Variants in PALD1 observed in about 807,000 individuals in gnomAD.
PALD1 encodes the protein phosphatase domain containing paladin 1.
Under a neutral mutation model 96.0 loss-of-function variants are expected in PALD1, and 57 were observed. The observed-to-expected ratio is 0.59, with a 90% confidence interval of 0.48 to 0.74. PALD1 has a LOEUF of 0.74. Among genes scored for constraint, PALD1 ranks in the 30% least tolerant of loss-of-function variants. The probability of loss-of-function intolerance (pLI) is 0.00; values close to 1 mark genes in which losing one functional copy is unlikely to be tolerated. For missense variants in PALD1, 1,063 were observed against 1,143.7 expected (o/e 0.93, Z 1.02); for synonymous variants, 464 against 473.6 (o/e 0.98, Z 0.26).
At chr10:70,559,461 C>T (rs745923886) in intron 18 of PALD1, among the ~76,000 whole-genome samples, 4 of 152,044 alleles carry the variant, frequency 2.6e-5, no homozygotes, top group Admixed American at 2.6e-4. Context: ...TTTGGGCAGA[C>T]GCTTACTGTT....
Position 70,512,998 on chromosome 10 carries a change from C to T in PALD1, c.-29-12925C>T, listed in dbSNP as rs111254916. 5.7e-3 allele frequency among the ~76,000 whole-genome samples: 863 copies of T among 152,344 alleles called. 5 individuals are homozygous for T. Among genetic ancestry groups the T allele is most frequent in the Non-Finnish European group, 9.4e-3 (637 of 68,040 alleles). On this transcript the variant is annotated intron_variant, in intron 1 of 19. Coordinates refer to ENST00000263563, the MANE Select transcript of PALD1 (RefSeq NM_014431.3). ...AAAACTATGATGATCATACAGATTGCTCCTGAGACCGACCCCTTTTTGCCT... is the reference window on the plus strand; with the variant it reads ...AAAACTATGATGATCATACAGATTGTTCCTGAGACCGACCCCTTTTTGCCT...
intron 1 of PALD1, among the ~76,000 whole-genome samples, chr10:70,491,214 G>A (rs1846092643): frequency 6.6e-6 from 1 of 152,178 alleles, no homozygotes; most frequent in African/African-American, 2.4e-5. Context: ...CAAAGTGCTG[G>A]GATTACAGGC....
chr10:70,531,546 C>A, intron 5 of PALD1, 92 bp downstream of exon 5: 1 of 1,272,718 alleles, frequency 7.9e-7, no homozygotes, highest in Non-Finnish European at 1.1e-6. Flanking sequence ...TCTTACTGGC[C>A]CGTGTTCCCC....
At chr10:70,558,471 G>T (rs1049416576) in intron 18 of PALD1, among the ~76,000 whole-genome samples, 1 of 152,110 alleles carries the variant, frequency 6.6e-6, no homozygotes, top group African/African-American at 2.4e-5. Flanking sequence ...AGTGCACTGC[G>T]CTAGGTGCTG....
In PALD1 at chr10:70,547,416, G is replaced by C. The variant is rs200162536; in HGVS notation, c.2232G>C (p.Leu744=). ...CCATGACGCCCATGCACTACCACCT[G>C]CGGGAGATCATCATCTGCACCTACC... is the stretch of plus-strand genomic sequence containing the variant. ...SETMTPMHYH[L]REIIICTYRQ... The change falls in exon 18 of 20, where the codon CTG becomes CTC. Residue 744 remains leucine (L), a synonymous_variant. Transcript: ENST00000263563. 1.9e-4 allele frequency: 300 copies of C among 1,612,386 alleles called. 2 individuals are homozygous for C. The East Asian group carries it at 6.2e-3, about 33-fold the overall frequency.
chr10:70,531,701 A>G (rs34908395), intron 5 of PALD1, among the ~76,000 whole-genome samples: 14,496 of 151,692 alleles, frequency 0.096, 875 homozygotes, highest in South Asian at 0.17. Flanking sequence ...CCTTATTTAG[A>G]AAGGGGTCTG....
chr10:70,522,337 A>G (rs760997324), intron 1 of PALD1, among the ~76,000 whole-genome samples: 43 of 152,222 alleles, frequency 2.8e-4, no homozygotes, highest in Non-Finnish European at 7.3e-5. Flanking sequence ...GTTCACCTGA[A>G]TCATGAGGAC....
At chr10:70,465,284 C>T in the PALD1 span, among the ~76,000 whole-genome samples, 1 of 152,154 alleles carries the variant, frequency 6.6e-6, no homozygotes, top group Non-Finnish European at 1.5e-5. Flanking sequence ...TCTACATACA[C>T]TTTTAAGTAG....
intron 18 of PALD1, among the ~76,000 whole-genome samples, chr10:70,548,228 C>G (rs1406264326): frequency 6.6e-6 from 1 of 152,092 alleles, no homozygotes; most frequent in African/African-American, 2.4e-5. Context: ...TTGCTTGAAC[C>G]CGGGAGGCGG....
At chr10:70,549,276 A>G (rs1847431284) in intron 18 of PALD1, among the ~76,000 whole-genome samples, 2 of 152,282 alleles carry the variant, frequency 1.3e-5, no homozygotes, top group South Asian at 2.1e-4. Flanking sequence ...GGATGCTGAG[A>G]GGGCTGAGAA....
At chr10:70,473,430 G>T in the PALD1 span, among the ~76,000 whole-genome samples, 2 of 152,162 alleles carry the variant, frequency 1.3e-5, no homozygotes, top group East Asian at 1.9e-4. Context: ...TCAGACAGGG[G>T]CCAGCTGTCT....
Position 70,539,033 on chromosome 10 carries a change from C to T in PALD1, c.1569+25C>T. 2.5e-6 allele frequency: 4 copies of T among 1,613,250 alleles called. No individual in the cohort carries two copies. Among genetic ancestry groups the T allele is most frequent in the East Asian group, 2.2e-5 (1 of 44,874 alleles). On this transcript the variant is annotated intron_variant, in intron 13 of 19. Coordinates refer to ENST00000263563, the MANE Select transcript of PALD1 (RefSeq NM_014431.3). The surrounding 1 kb of genome is among the most constrained non-coding windows in gnomAD (Gnocchi z 4.5). ...GGTGACCGGCCCTCAGGGCCTGGGT[C>T]CCCCAGTGGGTTTGGGGAGGGAGGG...
At chr10:70,543,736 G>A (rs1473468814) in intron 17 of PALD1, among the ~76,000 whole-genome samples, 3 of 152,192 alleles carry the variant, frequency 2.0e-5, no homozygotes, top group Non-Finnish European at 2.9e-5. Context: ...TCTTTGCATC[G>A]GTGCCTTGAA....
In PALD1 at chr10:70,533,473, C is replaced by T. The variant is rs187905551; in HGVS notation, c.870+403C>T. ...ACTGACCGCTGGCCCAGCTGCTGGCCGTGGCTGGGCTGCCAACTTGCTGTG... is the reference window on the plus strand; with the variant it reads ...ACTGACCGCTGGCCCAGCTGCTGGCTGTGGCTGGGCTGCCAACTTGCTGTG... On this transcript the variant is annotated intron_variant, in intron 7 of 19. Coordinates refer to ENST00000263563, the MANE Select transcript of PALD1 (RefSeq NM_014431.3). Among the ~76,000 whole-genome samples, 6 of 152,188 alleles carry T rather than the reference C, an allele frequency of 3.9e-5. No homozygotes were observed. In the East Asian group the frequency reaches 7.7e-4, roughly 20 times the overall value.
At chr10:70,502,005 C>T (rs1248977977) in intron 1 of PALD1, among the ~76,000 whole-genome samples, 2 of 151,962 alleles carry the variant, frequency 1.3e-5, no homozygotes, top group African/African-American at 4.8e-5. Flanking sequence ...CGAAGTTTGA[C>T]ATCCATAAAA....
chr10:70,562,464 A>C (rs773595695), intron 18 of PALD1, among the ~76,000 whole-genome samples: 8 of 152,176 alleles, frequency 5.3e-5, no homozygotes, highest in Non-Finnish European at 8.8e-5. Flanking sequence ...CTGAGGCCGC[A>C]GAGCCCACCC....
intron 18 of PALD1, among the ~76,000 whole-genome samples, chr10:70,556,201 C>G (rs542877713): frequency 6.6e-6 from 1 of 151,544 alleles, no homozygotes; most frequent in African/African-American, 2.4e-5. Context: ...GCTTCCAGAA[C>G]GGAGTGTGTG....
the PALD1 span, among the ~76,000 whole-genome samples, chr10:70,469,022 C>T: frequency 0.017 from 2,657 of 152,194 alleles, 78 homozygotes; most frequent in African/African-American, 0.06. Flanking sequence ...TACCTCTAGC[C>T]GCGGAAGGCA....
chr10:70,459,507 G>A, the PALD1 span, among the ~76,000 whole-genome samples: 1 of 152,208 alleles, frequency 6.6e-6, no homozygotes, highest in African/African-American at 2.4e-5. Flanking sequence ...TCGGATGGGT[G>A]GGGATGGGGG....
Sources: gnomAD v4.1 joint callset for allele counts (sites outside exome capture counted in the v4.1 genomes callset) on GRCh38, gnomAD v4.1.1 for gene constraint, Gnocchi (gnomAD v3.1) non-coding constraint, MANE v1.5 for transcripts, NCBI Gene and HGNC (gene_info 2026-07-23, HGNC 2026-07-21) for gene names.